Variants in ST8SIA6 observed in about 807,000 individuals in gnomAD.
ST8SIA6 encodes ST8 alpha-N-acetyl-neuraminide alpha-2,8-sialyltransferase 6.
In ST8SIA6, 39 loss-of-function variants were observed where a neutral mutation model predicts 33.6. That is an observed-to-expected ratio of 1.16 (90% CI 0.90 to 1.52). ST8SIA6 has a LOEUF of 1.52. Ranked by LOEUF, ST8SIA6 falls within the 40% of genes most tolerant of loss-of-function variation. The probability of loss-of-function intolerance (pLI) is 0.00; values close to 1 mark genes in which losing one functional copy is unlikely to be tolerated. For synonymous variants in ST8SIA6, 172 were observed against 167.2 expected (o/e 1.03, Z -0.22); for missense variants, 441 against 443.8 (o/e 0.99, Z 0.06).
At chr10:17,363,866 C>G (rs760091848) in intron 3 of ST8SIA6, among the ~76,000 whole-genome samples, 1 of 152,136 alleles carries the variant, frequency 6.6e-6, no homozygotes, top group African/African-American at 2.4e-5. Context: ...TGGGCTGGCT[C>G]ATACTCATTC....
In ST8SIA6 at chr10:17,359,583, T is replaced by A. The variant is rs1462126029; in HGVS notation, c.308A>T (p.Tyr103Phe). 1 of 1,603,364 alleles carries A rather than the reference T, an allele frequency of 6.2e-7. No homozygotes were observed. Among genetic ancestry groups the A allele is most frequent in the Admixed American group, 1.7e-5 (1 of 58,350 alleles). Residue 103 changes from tyrosine (Y) to phenylalanine (F), a missense_variant, in exon 4 of 8, where the codon TAC becomes TTC. By Grantham distance (22) the Tyr-to-Phe change is conservative. Coordinates refer to ENST00000377602, the MANE Select transcript of ST8SIA6 (RefSeq NM_001004470.3). ...CTGTATATCTGTGATAATCTGAAGG[T>A]AGTCGTTCTCTGAATACCTAAAAAT... Reference protein sequence around the residue: ...NKTKGYSENDYLQIITDIQSC... With the variant: ...NKTKGYSENDFLQIITDIQSC...
At position 17,316,409 on chromosome 10, in the gene ST8SIA6, G is replaced by A. The variant is rs1464196995; in HGVS notation, c.*4469C>T. On this transcript the variant is annotated 3_prime_UTR_variant, in exon 8 of 8. Transcript: ENST00000377602. ...AAGTTAGTTCACTGACTTCCGAAGA[G>A]ACAGATATCTGTGAGTCCAATTTGT... is the stretch of plus-strand genomic sequence containing the variant. Among the ~76,000 whole-genome samples, 2 of 152,048 alleles carry A rather than the reference G, an allele frequency of 1.3e-5. No homozygotes were observed. Among genetic ancestry groups the A allele is most frequent in the Non-Finnish European group, 2.9e-5 (2 of 67,948 alleles).
intron 2 of ST8SIA6, among the ~76,000 whole-genome samples, chr10:17,433,937 T>G (rs1310513013): frequency 1.3e-5 from 2 of 152,164 alleles, no homozygotes; most frequent in Non-Finnish European, 2.9e-5. Context: ...AAACCCATCT[T>G]GTTCTTATAT....
intron 3 of ST8SIA6, among the ~76,000 whole-genome samples, chr10:17,372,717 A>G (rs1849775856): frequency 6.6e-6 from 1 of 152,240 alleles, no homozygotes; most frequent in Admixed American, 6.5e-5. Context: ...TGGGTTAGTT[A>G]CCCATGACTA....
At chr10:17,405,497 TAAAC>T (rs1439119818) in intron 2 of ST8SIA6, among the ~76,000 whole-genome samples, 5 of 151,094 alleles carry the variant, frequency 3.3e-5, no homozygotes, top group Admixed American at 6.6e-5. Flanking sequence ...TTGAATCAAA[TAAAC>T]AAATTACAGT....
In ST8SIA6 at chr10:17,323,108, T is replaced by C; in HGVS notation, c.685A>G (p.Lys229Glu). The change falls in exon 7 of 8, where the codon AAA (lysine) becomes GAA (glutamate). Residue 229 changes from lysine to glutamate, a missense_variant. Coordinates refer to ENST00000377602, the MANE Select transcript of ST8SIA6 (RefSeq NM_001004470.3). Reference protein sequence around the residue: ...TGDVSKDVGSKTNLVTINPSI... With the variant: ...TGDVSKDVGSETNLVTINPSI... ...GGATTTATAGTCACAAGATTTGTTT[T>C]ACTGCCAACATCTTTACTAACATCT... 1 of 1,613,862 alleles carries C rather than the reference T, an allele frequency of 6.2e-7. No homozygotes were observed. The highest frequency in any genetic ancestry group is 8.5e-7 in the Non-Finnish European group (1 of 1,179,854).
At chr10:17,350,053 G>A (rs1848979635) in intron 4 of ST8SIA6, among the ~76,000 whole-genome samples, 1 of 152,192 alleles carries the variant, frequency 6.6e-6, no homozygotes, top group East Asian at 1.9e-4. Context: ...GTCCAGGGAA[G>A]GCTTCCTTGA....
rs117252656 is a variant in ST8SIA6 at position 17,380,153 on chromosome 10, C to G, written c.290+10378G>C. Among the ~76,000 whole-genome samples, 650 of 152,330 alleles carry G rather than the reference C, an allele frequency of 4.3e-3. 1 individual carries two copies. The highest frequency in any genetic ancestry group is 0.014 in the Middle Eastern group (4 of 294). On this transcript the variant is annotated intron_variant, in intron 3 of 7. Transcript: ENST00000377602. ...TTCCTGCTTCCATGTCGATGGAAGA[C>G]AGGTACCTCCTTTATGGACCTTGAG...
chr10:17,357,031 T>C (rs986297592), intron 4 of ST8SIA6, among the ~76,000 whole-genome samples: 1 of 152,156 alleles, frequency 6.6e-6, no homozygotes, highest in South Asian at 2.1e-4. Context: ...CCCAAGGGAA[T>C]CCCCAAGAAG....
At chr10:17,329,179 G>T (rs537154514) in intron 5 of ST8SIA6, among the ~76,000 whole-genome samples, 3 of 152,198 alleles carry the variant, frequency 2.0e-5, no homozygotes, top group African/African-American at 7.2e-5. Flanking sequence ...AAGTCATATT[G>T]CACTTTTTAT....
intron 4 of ST8SIA6, among the ~76,000 whole-genome samples, chr10:17,340,085 G>T (rs1848623782): frequency 6.6e-6 from 1 of 152,210 alleles, no homozygotes; most frequent in South Asian, 2.1e-4. Flanking sequence ...GCACTGCAAA[G>T]AACTGATAAA....
intron 2 of ST8SIA6, among the ~76,000 whole-genome samples, chr10:17,400,831 T>C (rs573349459): frequency 1.5e-4 from 23 of 152,294 alleles, no homozygotes; most frequent in African/African-American, 5.3e-4. Flanking sequence ...TCATACTGAA[T>C]GGGCAAAAAC....
At chr10:17,350,845 A>T (rs1849008094) in intron 4 of ST8SIA6, among the ~76,000 whole-genome samples, 1 of 152,172 alleles carries the variant, frequency 6.6e-6, no homozygotes, top group South Asian at 2.1e-4. Flanking sequence ...TTAATCCATG[A>T]CACTAATCTC....
intron 2 of ST8SIA6, among the ~76,000 whole-genome samples, chr10:17,447,024 C>CA (rs566049678): frequency 0.048 from 3,004 of 62,848 alleles, 109 homozygotes; most frequent in African/African-American, 0.14. Context: ...GACTCTGTCT[C>CA]AAAAAAAAAA....
At chr10:17,365,204 C>A (rs1239561736) in intron 3 of ST8SIA6, among the ~76,000 whole-genome samples, 1 of 152,086 alleles carries the variant, frequency 6.6e-6, no homozygotes, top group Non-Finnish European at 1.5e-5. Flanking sequence ...TTATAAATAA[C>A]CTACTAAATG....
At chr10:17,330,763 T>C (rs1848274008) in intron 5 of ST8SIA6, among the ~76,000 whole-genome samples, 1 of 152,226 alleles carries the variant, frequency 6.6e-6, no homozygotes, top group African/African-American at 2.4e-5. Context: ...GAGATGTTTA[T>C]GTTCCTCAGA....
chr10:17,417,711 T>G (rs1851648199), intron 2 of ST8SIA6, among the ~76,000 whole-genome samples: 1 of 152,130 alleles, frequency 6.6e-6, no homozygotes, highest in Non-Finnish European at 1.5e-5. Context: ...AAGCCCCTAA[T>G]TGCCTTCCCT....
rs778490508 is a variant in ST8SIA6, at chr10:17,453,600, C to A, written c.159G>T (p.Thr53=). The A allele has an allele frequency of 6.0e-6, 8 of 1,331,840 alleles. No homozygotes were observed. Among genetic ancestry groups the A allele is most frequent in the Middle Eastern group, 2.0e-4 (1 of 4,972 alleles). 82.5% of individuals were successfully genotyped at this position (1,331,840 alleles called of 1,614,324 possible). A position where few individuals can be genotyped will look rare whatever the true frequency, so the allele number is the denominator to read the frequency against. ...ATHGTPAALR[T]LRSPATAVPR... ...GTACCGCGGTCGCCGGGCTCCGGAG[C>A]GTCCTCAGCGCTGCGGGGGTGCCGT... The change falls in exon 2 of 8, where the codon ACG becomes ACT. Residue 53 remains threonine, a synonymous_variant. Transcript: ENST00000377602.
chr10:17,407,762 A>G (rs975003296), intron 2 of ST8SIA6, among the ~76,000 whole-genome samples: 2 of 152,158 alleles, frequency 1.3e-5, no homozygotes, highest in South Asian at 2.1e-4. Context: ...TTGAGTAACA[A>G]GTTCTTAAAA....
Sources: gnomAD v4.1 joint callset for allele counts (sites outside exome capture counted in the v4.1 genomes callset) on GRCh38, gnomAD v4.1.1 for gene constraint, MANE v1.5 for transcripts, NCBI Gene and HGNC (gene_info 2026-07-23, HGNC 2026-07-21) for gene names.